Variants in KCNT1 observed in about 807,000 individuals in gnomAD.
The protein encoded by KCNT1 is potassium channel subfamily T member 1.
A neutral mutation model predicts 147.8 loss-of-function variants in KCNT1; 78 were observed. The ratio of observed to expected loss-of-function variants is 0.53; its 90% CI spans 0.44 to 0.64. The LOEUF is 0.64. Among genes scored for constraint, KCNT1 ranks in the 30% least tolerant of loss-of-function variants. The probability of loss-of-function intolerance (pLI) is 0.00; values close to 1 mark genes in which losing one functional copy is unlikely to be tolerated. For synonymous variants in KCNT1, 867 were observed against 748.8 expected, an observed-to-expected ratio of 1.16 and a Z score of -2.58; for missense variants, 1,419 against 1,750.3, an observed-to-expected ratio of 0.81 and a Z score of 3.38.
At chr9:135,750,442 TG>T in intron 3 of KCNT1, 2 of 541,650 alleles carry the variant, frequency 3.7e-6, no homozygotes, top group Non-Finnish European at 6.7e-6. Context: ...TCCTGCCTGC[TG>T]GACACCAGGC....
In KCNT1 at chr9:135,732,409, G is replaced by A. The variant is rs534678923; in HGVS notation, c.254+17689G>A. 7.9e-5 allele frequency among the ~76,000 whole-genome samples: 12 copies of A among 152,246 alleles called. No individual in the cohort carries two copies. The South Asian group carries it at 1.5e-3, about 18-fold the overall frequency. On this transcript the variant is annotated intron_variant, in intron 2 of 30. Transcript: ENST00000371757. ...GTGGAAGTGTCCTCACCCTTCCTCCGGTGCCTGGATCTTGTTGTGCCTTTG... is the reference window on the plus strand; with the variant it reads ...GTGGAAGTGTCCTCACCCTTCCTCCAGTGCCTGGATCTTGTTGTGCCTTTG...
intron 2 of KCNT1, among the ~76,000 whole-genome samples, chr9:135,721,022 T>C (rs1835903082): frequency 2.0e-5 from 3 of 151,704 alleles, no homozygotes; most frequent in Admixed American, 6.6e-5. Flanking sequence ...CAAGGGGCAG[T>C]GGTGGTTTAG....
chr9:135,786,728 T>G (rs549582983), intron 29 of KCNT1, among the ~76,000 whole-genome samples: 2 of 152,336 alleles, frequency 1.3e-5, no homozygotes, highest in Admixed American at 6.5e-5. Flanking sequence ...AGAGGCCCCG[T>G]GCAGAGGAGG....
chr9:135,768,411 T>A, intron 13 of KCNT1, 199 bp from the exon 14 acceptor site: 1 of 437,214 alleles, frequency 2.3e-6, no homozygotes, highest in South Asian at 3.1e-5. Flanking sequence ...CAGCAGAGAG[T>A]AGGGGCCTCC....
At chr9:135,717,138 T>G (rs866956532) in intron 2 of KCNT1, among the ~76,000 whole-genome samples, 3 of 144,528 alleles carry the variant, frequency 2.1e-5, no homozygotes, top group African/African-American at 7.9e-5. Context: ...GGTGTTGGTG[T>G]GTATAGGACA....
chr9:135,717,289 G>A (rs1314177710), intron 2 of KCNT1, among the ~76,000 whole-genome samples: 1 of 151,666 alleles, frequency 6.6e-6, no homozygotes, highest in Non-Finnish European at 1.5e-5. Flanking sequence ...GGATGAGAGG[G>A]AAGGGGACCT....
rs1417952515 is a variant in KCNT1 at position 135,714,880 on chromosome 9, G to T, written c.254+160G>T. Among the ~76,000 whole-genome samples, 1 of 152,178 alleles carries T rather than the reference G, an allele frequency of 6.6e-6. No individual in the cohort carries two copies. The highest frequency in any genetic ancestry group is 2.4e-5 in the African/African-American group (1 of 41,466). ...TGGGGACGCAGAAGTTTCGGAGGGG[G>T]TGCGGGCAGGGGGAAGCATCTTCTC... On this transcript the variant is annotated intron_variant, in intron 2 of 30. Coordinates refer to ENST00000371757, the MANE Select transcript of KCNT1 (RefSeq NM_020822.3). This position sits in a 1 kb window ranked among gnomAD's most constrained non-coding sequence, Gnocchi z 6.2.
At position 135,752,656 on chromosome 9, in the gene KCNT1, CGGAT is replaced by C. The variant is rs892408192; in HGVS notation, c.435-1273_435-1270del. Among the ~76,000 whole-genome samples, 14 of 143,242 alleles carry C rather than the reference CGGAT, an allele frequency of 9.8e-5. No individual in the cohort carries two copies. Among genetic ancestry groups the C allele is most frequent in the African/African-American group, 3.3e-4 (12 of 36,870 alleles). The allele number at this position is 143,242 out of a possible 152,430, so 94.0% of individuals were successfully genotyped here. A position where few individuals can be genotyped will look rare whatever the true frequency, so the allele number is the denominator to read the frequency against. ...ATGGATGGACGGACGGACGGATGGA[CGGAT>C]GGATGGAGTGGATGGAGGGATGAGT... On this transcript the variant is annotated intron_variant, in intron 4 of 30. Transcript: ENST00000371757. The surrounding 1 kb of genome is among the most constrained non-coding windows in gnomAD (Gnocchi z 5.1).
rs1833909117 is a variant in KCNT1 at position 135,784,760 on chromosome 9, G to A, written c.3028-1G>A. 1 of 1,612,294 alleles carries A rather than the reference G, an allele frequency of 6.2e-7. No homozygotes were observed. Among genetic ancestry groups the A allele is most frequent in the Non-Finnish European group, 8.5e-7 (1 of 1,179,702 alleles). On this transcript the variant is annotated splice_acceptor_variant, in intron 26 of 30. Coordinates refer to ENST00000371757, the MANE Select transcript of KCNT1 (RefSeq NM_020822.3). LOFTEE classifies it high-confidence loss of function. ...GCCAACTCAGGGTTCCCACCCTGCA[G>A]ATGAAAATCACCGAGGGCGACCTGT...
At position 135,760,241 on chromosome 9, in the gene KCNT1, AC is replaced by A. The variant is rs909801817; in HGVS notation, c.1035+389del. 6.0e-5 allele frequency among the ~76,000 whole-genome samples: 9 copies of A among 151,152 alleles called. No individual in the cohort carries two copies. In the East Asian group the frequency reaches 7.8e-4, roughly 13 times the overall value. ...CAGCTGCCAGGCCCACAGGGGGCAC[AC>A]CCCCCCGGCCACCCCAGTGGCTTCC... is the stretch of plus-strand genomic sequence containing the variant. On this transcript the variant is annotated intron_variant, in intron 11 of 30. Coordinates refer to ENST00000371757, the MANE Select transcript of KCNT1 (RefSeq NM_020822.3).
intron 19 of KCNT1, among the ~76,000 whole-genome samples, chr9:135,773,490 G>T (rs929957071): frequency 6.6e-6 from 1 of 152,190 alleles, no homozygotes; most frequent in Non-Finnish European, 1.5e-5. Context: ...CAACCCCTGG[G>T]CAAGGCAGTG....
intron 22 of KCNT1, 74 bp downstream of exon 22, chr9:135,778,569 AC>A (rs1045508768): frequency 1.9e-6 from 3 of 1,601,450 alleles, no homozygotes; most frequent in Non-Finnish European, 2.6e-6. Context: ...GTCTGGGGTG[AC>A]CCCGACCGCA....
At chr9:135,738,514 G>A (rs891522627) in intron 2 of KCNT1, among the ~76,000 whole-genome samples, 1 of 152,160 alleles carries the variant, frequency 6.6e-6, no homozygotes, top group African/African-American at 2.4e-5. Context: ...GCTGGGGGTC[G>A]CAGTGCCCGC....
At chr9:135,727,452 C>T (rs1836264698) in intron 2 of KCNT1, among the ~76,000 whole-genome samples, 1 of 148,242 alleles carries the variant, frequency 6.7e-6, no homozygotes, top group Admixed American at 6.7e-5. Context: ...CTCTCTCTCT[C>T]TCTTTCTCTC....
At chr9:135,771,268 AC>A in intron 18 of KCNT1, 173 bp downstream of exon 18, 1 of 640,062 alleles carries the variant, frequency 1.6e-6, no homozygotes, top group Non-Finnish European at 2.7e-6. Context: ...GGGACGGGAG[AC>A]CAGGCAGGGC....
Position 135,792,121 on chromosome 9 carries a change from C to A in KCNT1, c.3668C>A (p.Ser1223Ter). 1 of 1,605,824 alleles carries A rather than the reference C, an allele frequency of 6.2e-7. No individual in the cohort carries two copies. The highest frequency in any genetic ancestry group is 8.5e-7 in the Non-Finnish European group (1 of 1,179,544). ...AAGAGCAGCTGCAGCCACAAGCTGT[C>A]GTCCTGCAACCCCGAGACTCGCGAC... ...SRKSSCSHKL[S>*]SCNPETRDET... The change falls in exon 31 of 31, where the codon TCG becomes TAG. Residue 1223 changes from serine (S) to a stop codon, truncating the protein, a stop_gained. Coordinates refer to ENST00000371757, the MANE Select transcript of KCNT1 (RefSeq NM_020822.3). LOFTEE classifies it high-confidence loss of function.
intron 1 of KCNT1, among the ~76,000 whole-genome samples, chr9:135,704,778 C>T (rs1299137620): frequency 6.6e-6 from 1 of 152,260 alleles, no homozygotes; most frequent in Non-Finnish European, 1.5e-5. Context: ...GGCCAGCCCT[C>T]CAGGCCCATA....
chr9:135,717,892 G>A (rs1369034236), intron 2 of KCNT1, among the ~76,000 whole-genome samples: 2 of 152,184 alleles, frequency 1.3e-5, no homozygotes, highest in African/African-American at 4.8e-5. Flanking sequence ...TGGTAGGGTT[G>A]GGTGAGTCTG....
At chr9:135,782,367 C>T (rs1045588399) in intron 24 of KCNT1, among the ~76,000 whole-genome samples, 2 of 152,182 alleles carry the variant, frequency 1.3e-5, no homozygotes, top group African/African-American at 4.8e-5. Context: ...CTCCCCTGGT[C>T]TCCAGCACCC....
Sources: gnomAD v4.1 joint callset for allele counts (sites outside exome capture counted in the v4.1 genomes callset) on GRCh38, gnomAD v4.1.1 for gene constraint, Gnocchi (gnomAD v3.1) non-coding constraint, MANE v1.5 for transcripts, NCBI Gene and HGNC (gene_info 2026-07-23, HGNC 2026-07-21) for gene names.